Variants in NRXN1 observed in about 807,000 individuals in gnomAD.
NRXN1 encodes neurexin-1.
A neutral mutation model predicts 150.9 loss-of-function variants in NRXN1; 39 were observed. The observed-to-expected ratio is 0.26, with a 90% CI of 0.20 to 0.34. The LOEUF (loss-of-function observed/expected upper bound fraction) is 0.34, where lower values mean the gene tolerates loss of function less well. Ranked by LOEUF, NRXN1 falls within the 10% of genes least tolerant of loss-of-function variation. The probability of loss-of-function intolerance (pLI) is 1.00; values close to 1 mark genes in which losing one functional copy is unlikely to be tolerated. For missense variants in NRXN1, 1,815 were observed against 1,949.9 expected (o/e 0.93, Z 1.30); for synonymous variants, 924 against 757.0 (o/e 1.22, Z -3.62).
chr2:50,887,135 T>G (rs1231946286), intron 5 of NRXN1, among the ~76,000 whole-genome samples: 1 of 151,414 alleles, frequency 6.6e-6, no homozygotes. Flanking sequence ...TTTATTCACT[T>G]TATGTTTTCA....
intron 17 of NRXN1, among the ~76,000 whole-genome samples, chr2:50,376,048 C>T (rs189314525): frequency 0.14 from 16,715 of 115,708 alleles, 1,000 homozygotes; most frequent in Non-Finnish European, 0.17. Context: ...TATATATATA[C>T]ACACACACAC....
At chr2:50,079,775 G>A (rs1323302098) in intron 19 of NRXN1, among the ~76,000 whole-genome samples, 1 of 152,002 alleles carries the variant, frequency 6.6e-6, no homozygotes, top group Non-Finnish European at 1.5e-5. Flanking sequence ...AGTAAGAGGA[G>A]CGAAAGAGAA....
chr2:50,128,702 G>A (rs1704980896), intron 18 of NRXN1, among the ~76,000 whole-genome samples: 1 of 152,036 alleles, frequency 6.6e-6, no homozygotes, highest in Non-Finnish European at 1.5e-5. Flanking sequence ...TAAAGTGACA[G>A]GGGATGCGGT....
At position 50,058,599 on chromosome 2, in the gene NRXN1, A is replaced by C. The variant is rs72834759; in HGVS notation, c.3719-3555T>G. ...AAAAAACTAATGACTTTTCTGCTGC[A>C]AAATTATATGCAGATACATTGTGAT... is the stretch of plus-strand genomic sequence containing the variant. On this transcript the variant is annotated intron_variant, in intron 19 of 22. Transcript: ENST00000401669. 6.3e-3 allele frequency among the ~76,000 whole-genome samples: 956 copies of C among 152,280 alleles called. 7 individuals carry two copies. The highest frequency in any genetic ancestry group is 9.5e-3 in the Non-Finnish European group (643 of 68,014).
In NRXN1 at chr2:50,123,058, A is replaced by C. The variant is rs531410471; in HGVS notation, c.3547-31564T>G. On this transcript the variant is annotated intron_variant, in intron 18 of 22. Coordinates refer to ENST00000401669, the MANE Select transcript of NRXN1 (RefSeq NM_001330078.2). ...GTAAATTTAAAATGTAATTACATTT[A>C]TTTCAACTTACATTTACCAATGAGT... is the stretch of plus-strand genomic sequence containing the variant. 2.0e-5 allele frequency among the ~76,000 whole-genome samples: 3 copies of C among 152,322 alleles called. No homozygotes were observed. The East Asian group carries it at 5.8e-4, about 29-fold the overall frequency.
At chr2:50,979,655 T>C (rs186333351) in intron 2 of NRXN1, among the ~76,000 whole-genome samples, 67 of 152,212 alleles carry the variant, frequency 4.4e-4, no homozygotes, top group African/African-American at 1.5e-3. Flanking sequence ...GTGTCTCAGT[T>C]AAATCTGGCA....
chr2:50,095,663 T>C (rs1300396271), intron 18 of NRXN1, among the ~76,000 whole-genome samples: 1 of 152,056 alleles, frequency 6.6e-6, no homozygotes, highest in Non-Finnish European at 1.5e-5. Context: ...ATTTTCTAGG[T>C]GCAGAAATCT....
intron 5 of NRXN1, among the ~76,000 whole-genome samples, chr2:50,877,169 C>T (rs772680638): frequency 6.6e-6 from 1 of 151,096 alleles, no homozygotes; most frequent in Admixed American, 6.6e-5. Context: ...CACACACATC[C>T]CCAACACACA....
intron 5 of NRXN1, among the ~76,000 whole-genome samples, chr2:50,735,611 A>G (rs926583643): frequency 6.6e-6 from 1 of 152,096 alleles, no homozygotes; most frequent in African/African-American, 2.4e-5. Context: ...TTTCTTTGCC[A>G]TGTCCTGTCT....
At chr2:50,183,427 GT>G (rs200737181) in intron 18 of NRXN1, among the ~76,000 whole-genome samples, 5 of 151,080 alleles carry the variant, frequency 3.3e-5, no homozygotes, top group Non-Finnish European at 5.9e-5. Context: ...GATTTGGGGA[GT>G]TTTTTTTTAA....
At chr2:50,518,701 G>A (rs1300646505) in intron 12 of NRXN1, among the ~76,000 whole-genome samples, 1 of 151,598 alleles carries the variant, frequency 6.6e-6, no homozygotes, top group Non-Finnish European at 1.5e-5. Context: ...CACTGTAATA[G>A]TTATAGCATT....
intron 13 of NRXN1, among the ~76,000 whole-genome samples, chr2:50,501,246 C>T (rs866524471): frequency 9.9e-5 from 15 of 152,064 alleles, no homozygotes; most frequent in African/African-American, 3.6e-4. Flanking sequence ...CAGAGCATGG[C>T]TGGAGAGCTG....
intron 17 of NRXN1, among the ~76,000 whole-genome samples, chr2:50,282,487 G>C (rs369235821): frequency 6.6e-6 from 1 of 152,080 alleles, no homozygotes; most frequent in Non-Finnish European, 1.5e-5. Flanking sequence ...TGAGTGTATG[G>C]AGGGAACACT....
intron 19 of NRXN1, among the ~76,000 whole-genome samples, chr2:50,087,763 C>A (rs1698996483): frequency 6.6e-6 from 1 of 152,072 alleles, no homozygotes; most frequent in African/African-American, 2.4e-5. Flanking sequence ...TTCATATACT[C>A]AAAAAGAGCA....
At chr2:50,757,155 A>C (rs1266208491) in intron 5 of NRXN1, among the ~76,000 whole-genome samples, 1 of 151,920 alleles carries the variant, frequency 6.6e-6, no homozygotes, top group Non-Finnish European at 1.5e-5. Flanking sequence ...GCAAAGAAGC[A>C]TATTTAGTAT....
At chr2:49,959,755 T>G (rs1234082138) in intron 21 of NRXN1, among the ~76,000 whole-genome samples, 1 of 152,192 alleles carries the variant, frequency 6.6e-6, no homozygotes, top group Non-Finnish European at 1.5e-5. Flanking sequence ...AAATTCAAAA[T>G]AAATATTGGC....
chr2:50,006,254 C>T (rs1558677879), intron 21 of NRXN1, among the ~76,000 whole-genome samples: 1 of 152,114 alleles, frequency 6.6e-6, no homozygotes, highest in Non-Finnish European at 1.5e-5. Flanking sequence ...ATTTTCATTA[C>T]CTCCTTCTTG....
intron 17 of NRXN1, among the ~76,000 whole-genome samples, chr2:50,270,847 C>T (rs145914002): frequency 2.0e-4 from 30 of 152,080 alleles, no homozygotes; most frequent in African/African-American, 7.2e-4. Flanking sequence ...TTAGTAGAGA[C>T]GGGTTTTCAC....
intron 19 of NRXN1, among the ~76,000 whole-genome samples, chr2:50,085,969 C>G (rs1698721157): frequency 6.6e-6 from 1 of 152,050 alleles, no homozygotes; most frequent in African/African-American, 2.4e-5. Flanking sequence ...ACAGCAGTCC[C>G]CAAGTGTAGT....
Sources: gnomAD v4.1 joint callset for allele counts (sites outside exome capture counted in the v4.1 genomes callset) on GRCh38, gnomAD v4.1.1 for gene constraint, MANE v1.5 for transcripts, NCBI Gene and HGNC (gene_info 2026-07-23, HGNC 2026-07-21) for gene names.